The following RAB3GAP2 variants were observed in gnomAD, a reference collection of about 807,000 sequenced individuals.
RAB3GAP2 encodes the protein RAB3 GTPase activating non-catalytic protein subunit 2.
A neutral mutation model predicts 185.3 loss-of-function variants in RAB3GAP2; 87 were observed. That is an observed-to-expected ratio of 0.47 (90% CI 0.39 to 0.56). The LOEUF (loss-of-function observed/expected upper bound fraction) is 0.56, where lower values mean the gene tolerates loss of function less well. Among genes scored for constraint, RAB3GAP2 ranks in the 20% least tolerant of loss-of-function variants. The pLI is 0.00. For missense variants in RAB3GAP2, 1,492 were observed against 1,638.2 expected, an observed-to-expected ratio of 0.91 and a Z score of 1.54; for synonymous variants, 554 against 576.1, an observed-to-expected ratio of 0.96 and a Z score of 0.55.
intron 13 of RAB3GAP2, among the ~76,000 whole-genome samples, chr1:220,191,509 C>T (rs1224070280): frequency 1.3e-5 from 2 of 152,070 alleles, no homozygotes; most frequent in East Asian, 1.9e-4. Context: ...TACTTCTGAC[C>T]ACTTTTTCTC....
At chr1:220,259,588 T>C (rs889532085) in intron 1 of RAB3GAP2, among the ~76,000 whole-genome samples, 1 of 152,112 alleles carries the variant, frequency 6.6e-6, no homozygotes, top group Non-Finnish European at 1.5e-5. Context: ...ATACAAAATT[T>C]AACCCAAGAT....
chr1:220,214,529 GA>G (rs879345900), intron 2 of RAB3GAP2, among the ~76,000 whole-genome samples: 424 of 141,290 alleles, frequency 3.0e-3, no homozygotes, highest in African/African-American at 7.7e-3. Flanking sequence ...CTGTCTCAGG[GA>G]AAAAAAAAAA....
chr1:220,202,190 A>G, intron 9 of RAB3GAP2, 86 bp downstream of exon 9: 1 of 1,389,228 alleles, frequency 7.2e-7, no homozygotes, highest in Non-Finnish European at 9.7e-7. Flanking sequence ...TAAATAAAGA[A>G]TAAATGCCCA....
At position 220,261,070 on chromosome 1, in the gene RAB3GAP2, T is replaced by TA. The variant is rs1367867978; in HGVS notation, c.115+11152dup. On this transcript the variant is annotated intron_variant, in intron 1 of 34. Transcript: ENST00000358951. ...TTTTTATGTCTGATTTTACATACTT[T>TA]AAAAAAAAGGGGGGGCAATGTGGTA... Among the ~76,000 whole-genome samples the TA allele has an allele frequency of 1.4e-3, 219 of 151,820 alleles. 2 individuals are homozygous for TA. The highest frequency in any genetic ancestry group is 5.2e-3 in the African/African-American group (215 of 41,376).
At chr1:220,192,715 A>G (rs1187088255) in intron 13 of RAB3GAP2, among the ~76,000 whole-genome samples, 2 of 152,242 alleles carry the variant, frequency 1.3e-5, no homozygotes, top group African/African-American at 4.8e-5. Flanking sequence ...GGAAGCTACA[A>G]GGAAGAAGAC....
chr1:220,204,868 A>G (rs1470358558), intron 8 of RAB3GAP2, among the ~76,000 whole-genome samples: 2 of 151,646 alleles, frequency 1.3e-5, no homozygotes, highest in African/African-American at 4.8e-5. Context: ...TAGTTTGCTG[A>G]GAATGGTTTC....
chr1:220,168,292 A>G (rs533534201), intron 24 of RAB3GAP2, among the ~76,000 whole-genome samples: 1 of 152,020 alleles, frequency 6.6e-6, no homozygotes, highest in African/African-American at 2.4e-5. Context: ...GGGTTTCGCC[A>G]TGTTGGCGAG....
chr1:220,213,732 T>TG (rs1206048732), intron 3 of RAB3GAP2, 124 bp downstream of exon 3: 34,405 of 561,284 alleles, frequency 0.061, 114 homozygotes, highest in Non-Finnish European at 0.069. Context: ...GAGGAGGAGT[T>TG]GGGGGGGGGG....
In RAB3GAP2 at chr1:220,238,440, A is replaced by G. The variant is rs550747027; in HGVS notation, c.116-5577T>C. ...GATTGGTTGCCCAGTTTTACCTTCT[A>G]AAGAGTTATATGATCTTGGGCAATT... On this transcript the variant is annotated intron_variant, in intron 1 of 34. Transcript: ENST00000358951. Among the ~76,000 whole-genome samples, 3 of 152,318 alleles carry G rather than the reference A, an allele frequency of 2.0e-5. No homozygotes were observed. The South Asian group carries it at 6.2e-4, about 32-fold the overall frequency.
intron 2 of RAB3GAP2, chr1:220,219,650 A>G (rs1043647621): frequency 6.6e-6 from 1 of 152,194 alleles, no homozygotes; most frequent in Non-Finnish European, 1.5e-5. Flanking sequence ...ACAAACCAAG[A>G]ATAAAGAGTG....
At chr1:220,238,927 C>T (rs538075891) in intron 1 of RAB3GAP2, among the ~76,000 whole-genome samples, 5 of 152,262 alleles carry the variant, frequency 3.3e-5, no homozygotes, top group East Asian at 3.9e-4. Context: ...GGGCAGAGAA[C>T]GTGTATCCTG....
intron 9 of RAB3GAP2, among the ~76,000 whole-genome samples, chr1:220,197,034 T>C (rs1458032308): frequency 6.6e-6 from 1 of 151,768 alleles, no homozygotes; most frequent in Non-Finnish European, 1.5e-5. Context: ...TCGCCCAGGC[T>C]GGAGTGCAAT....
intron 9 of RAB3GAP2, among the ~76,000 whole-genome samples, chr1:220,197,679 G>C (rs1658755231): frequency 6.6e-6 from 1 of 152,142 alleles, no homozygotes; most frequent in Non-Finnish European, 1.5e-5. Flanking sequence ...TGAAATTTAA[G>C]TTTTAAAACA....
chr1:220,217,810 T>G (rs540661973), intron 2 of RAB3GAP2, among the ~76,000 whole-genome samples: 151 of 152,328 alleles, frequency 9.9e-4, no homozygotes, highest in Middle Eastern at 6.8e-3. Context: ...AGTTCAAGAT[T>G]CTGGCTGACA....
chr1:220,182,418 T>C (rs895937305), intron 20 of RAB3GAP2, 64 bp from the exon 21 acceptor site: 3 of 1,601,864 alleles, frequency 1.9e-6, no homozygotes, highest in Middle Eastern at 1.7e-4. Context: ...AACAATCTTA[T>C]TGAATCACAA....
rs941467661 is a variant in RAB3GAP2 at position 220,204,785 on chromosome 1, G to C, written c.712+1122C>G. Among the ~76,000 whole-genome samples the C allele has an allele frequency of 6.0e-4, 77 of 128,980 alleles. 1 individual carries two copies. Among genetic ancestry groups the C allele is most frequent in the Non-Finnish European group, 1.1e-3 (73 of 65,182 alleles). The allele number at this position is 128,980 out of a possible 152,430, so 84.6% of individuals were successfully genotyped here. ...CGGAGTGTGATGTTCCCCTTCCTGTGTCCATGTGTTCTCATTGTTCAATTC... is the reference window on the plus strand; with the variant it reads ...CGGAGTGTGATGTTCCCCTTCCTGTCTCCATGTGTTCTCATTGTTCAATTC... On this transcript the variant is annotated intron_variant, in intron 8 of 34. Coordinates refer to ENST00000358951, the MANE Select transcript of RAB3GAP2 (RefSeq NM_012414.4).
At chr1:220,210,358 T>C in intron 7 of RAB3GAP2, 30 bp downstream of exon 7, 1 of 1,514,826 alleles carries the variant, frequency 6.6e-7, no homozygotes, top group Non-Finnish European at 9.2e-7. Flanking sequence ...AATGCCACTG[T>C]TACTGTTGGA....
rs1657739079 is a variant in RAB3GAP2, at chr1:220,150,885, TACA to T, written c.*363_*365del. ...GTACATGAACACATTTAAATTGAATTACAACAACATTTTAGATAGGAAATATAG... is the reference window on the plus strand; with the variant it reads ...GTACATGAACACATTTAAATTGAATTACAACATTTTAGATAGGAAATATAG... On this transcript the variant is annotated 3_prime_UTR_variant, in exon 35 of 35. Coordinates refer to ENST00000358951, the MANE Select transcript of RAB3GAP2 (RefSeq NM_012414.4). The T allele has an allele frequency of 7.9e-6, 2 of 254,108 alleles. No individual in the cohort carries two copies. Among genetic ancestry groups the T allele is most frequent in the South Asian group, 4.9e-5 (1 of 20,552 alleles). The allele number at this position is 254,108 out of a possible 1,614,324, so 15.7% of individuals were successfully genotyped here. A position where few individuals can be genotyped will look rare whatever the true frequency, so the allele number is the denominator to read the frequency against.
chr1:220,149,545 T>C lies in RAB3GAP2; in HGVS notation c.*1706A>G, dbSNP rs1208746598. ...GGAAAAATCACAGGAAGAACTAATC[T>C]CTTAGAAAACATATAACAAGTGACT... On this transcript the variant is annotated 3_prime_UTR_variant, in exon 35 of 35. Transcript: ENST00000358951. The C allele has an allele frequency of 6.7e-6, 1 of 150,242 alleles. No individual in the cohort carries two copies. Among genetic ancestry groups the C allele is most frequent in the Non-Finnish European group, 1.5e-5 (1 of 66,758 alleles). 9.3% of individuals were successfully genotyped at this position (150,242 alleles called of 1,614,324 possible). A position where few individuals can be genotyped will look rare whatever the true frequency, so the allele number is the denominator to read the frequency against.
Sources: allele counts gnomAD v4.1 joint callset (sites outside exome capture counted in the v4.1 genomes callset), GRCh38; gene constraint gnomAD v4.1.1; transcripts MANE v1.5; gene names NCBI Gene and HGNC (gene_info 2026-07-23, HGNC 2026-07-21).